Variants in SHE observed in about 807,000 individuals in gnomAD.
The protein encoded by SHE is Src homology 2 domain containing E.
SHE carries 11 observed loss-of-function variants against 49.8 expected under a neutral mutation model. That is an observed-to-expected ratio of 0.22 (90% CI 0.14 to 0.37). The LOEUF (loss-of-function observed/expected upper bound fraction) is 0.37, where lower values mean the gene tolerates loss of function less well. Among genes scored for constraint, SHE ranks in the 10% least tolerant of loss-of-function variants. SHE has a pLI of 1.00. For synonymous variants in SHE, 310 were observed against 278.1 expected, an observed-to-expected ratio of 1.11 and a Z score of -1.14; for missense variants, 624 against 655.5, an observed-to-expected ratio of 0.95 and a Z score of 0.52.
At chr1:154,478,428 CAAAAAA>C (rs10594379), downstream of SHE, among the ~76,000 whole-genome samples, 5 of 113,418 alleles carry the variant, frequency 4.4e-5, no homozygotes, top group Admixed American at 9.4e-5. Context: ...ATAAAAAGTG[CAAAAAA>C]AAAAAAAAAA....
At position 154,501,422 on chromosome 1, in the gene SHE, G is replaced by A; in HGVS notation, c.591+14C>T. The stretch of plus-strand genomic sequence containing the variant: ...TTCGACTGAGAGGTGGTCCAAGGGA[G>A]GCTGTATTCTTACCGTCTCTTGCTG... On this transcript the variant is annotated intron_variant, in intron 1 of 5. Coordinates refer to ENST00000304760, the MANE Select transcript of SHE (RefSeq NM_001010846.3). 1 of 1,612,764 alleles carries A rather than the reference G, an allele frequency of 6.2e-7. No individual in the cohort carries two copies. The highest frequency in any genetic ancestry group is 8.5e-7 in the Non-Finnish European group (1 of 1,179,052).
Position 154,501,757 on chromosome 1 carries a change from C to G in SHE, c.270G>C (p.Gly90=). 3.8e-6 allele frequency: 6 copies of G among 1,570,216 alleles called. No homozygotes were observed. The highest frequency in any genetic ancestry group is 5.2e-6 in the Non-Finnish European group (6 of 1,163,420). The change falls in exon 1 of 6, where the codon GGG becomes GGC. Residue 90 remains glycine, a synonymous_variant. Transcript: ENST00000304760. The stretch of plus-strand genomic sequence containing the variant: ...TGGGGCCGACGCCGGCCCTGCCGCT[C>G]CCCAGCTCGGCCGCCGAGTTCTTGC... ...KGRKNSAAEL[G]SGRAGVGPKD... is the part of the protein sequence containing the mutation.
intron 1 of SHE, among the ~76,000 whole-genome samples, chr1:154,470,685 C>G (rs1054032513): frequency 2.6e-5 from 4 of 152,036 alleles, no homozygotes; most frequent in Non-Finnish European, 5.9e-5. Flanking sequence ...ACTAAAAATA[C>G]AAAAATTAGC....
intron 2 of SHE, among the ~76,000 whole-genome samples, chr1:154,494,677 C>T (rs556327013): frequency 6.6e-6 from 1 of 152,186 alleles, no homozygotes; most frequent in South Asian, 2.1e-4. Context: ...CCACAGCTTG[C>T]TGAATGACAT....
rs1172213734 is a variant in SHE, at chr1:154,497,802, T to C, written c.718+1310A>G. Among the ~76,000 whole-genome samples, 8 of 152,090 alleles carry C rather than the reference T, an allele frequency of 5.3e-5. No homozygotes were observed. In the East Asian group the frequency reaches 1.4e-3, roughly 26 times the overall value. ...TTCAAGTGATTCTCCTGCCTCAGCCTCCTGAGCATCTGGAATTACAGGCAT... is the reference window on the plus strand; with the variant it reads ...TTCAAGTGATTCTCCTGCCTCAGCCCCCTGAGCATCTGGAATTACAGGCAT... On this transcript the variant is annotated intron_variant, in intron 2 of 5. Coordinates refer to ENST00000304760, the MANE Select transcript of SHE (RefSeq NM_001010846.3).
rs1272805587 is a variant in SHE, at chr1:154,501,508, G to T, written c.519C>A (p.Ser173=). Residue 173 remains serine, a synonymous_variant, in exon 1 of 6, where the codon TCC becomes TCA. Transcript: ENST00000304760. ...SSSSSSSSSS[S]SASSSPSSLG... is the part of the protein sequence containing the mutation. ...GGGAGGAAGGGGAAGAGGACGCGGA[G>T]GAAGAGGAGCTGGAGCTGGAGCTAC... 16 of 1,614,198 alleles carry T rather than the reference G, an allele frequency of 9.9e-6. No individual in the cohort carries two copies. Among genetic ancestry groups the T allele is most frequent in the Non-Finnish European group, 1.3e-5 (15 of 1,180,020 alleles).
At chr1:154,470,396 G>T (rs999388852) in intron 1 of SHE, 8 of 1,288,980 alleles carry the variant, frequency 6.2e-6, no homozygotes, top group Non-Finnish European at 5.1e-6. Context: ...GCAGTTACTG[G>T]AGCAGCCTTC....
chr1:154,487,562 T>C (rs1210490176), intron 3 of SHE, among the ~76,000 whole-genome samples: 3 of 151,574 alleles, frequency 2.0e-5, no homozygotes, highest in Non-Finnish European at 2.9e-5. Context: ...CAAACGAAAC[T>C]GACTCCAGGC....
Position 154,480,205 on chromosome 1 carries a change from G to T in SHE, c.*3944C>A. On this transcript the variant is annotated 3_prime_UTR_variant, in exon 6 of 6. Transcript: ENST00000304760. ...TAGTGCTAGTTATGGAAAAATAGGA[G>T]ACAACTAGTGAACGAGAGATCTGTG... is the stretch of plus-strand genomic sequence containing the variant. 1 of 985,402 alleles carries T rather than the reference G, an allele frequency of 1.0e-6. No individual in the cohort carries two copies. The highest frequency in any genetic ancestry group is 1.2e-6 in the Non-Finnish European group (1 of 829,930). The allele number at this position is 985,402 out of a possible 1,614,324, so 61.0% of individuals were successfully genotyped here. A position where few individuals can be genotyped will look rare whatever the true frequency, so the allele number is the denominator to read the frequency against.
At chr1:154,495,113 C>T (rs948443209) in intron 2 of SHE, among the ~76,000 whole-genome samples, 5 of 152,192 alleles carry the variant, frequency 3.3e-5, no homozygotes, top group African/African-American at 1.2e-4. Flanking sequence ...GGTAATTTGG[C>T]CAGGCTGGTA....
intron 4 of SHE, 33 bp from the exon 5 acceptor site, chr1:154,486,095 C>T (rs1692167425): frequency 1.9e-6 from 3 of 1,601,092 alleles, no homozygotes; most frequent in Non-Finnish European, 2.6e-6. Context: ...GGGAAAGCAC[C>T]ATGAGTGTCA....
intron 1 of SHE, among the ~76,000 whole-genome samples, chr1:154,470,941 C>T (rs1332236525): frequency 2.6e-5 from 4 of 151,006 alleles, no homozygotes; most frequent in South Asian, 4.2e-4. Context: ...ACCCGGGAGG[C>T]GGAGGTTTCA....
rs115870735 is a variant in SHE, at chr1:154,500,333, T to C, written c.592-1095A>G. 7.2e-3 allele frequency among the ~76,000 whole-genome samples: 1,095 copies of C among 152,326 alleles called. 9 individuals carry two copies. Among genetic ancestry groups the C allele is most frequent in the Non-Finnish European group, 0.013 (874 of 68,022 alleles). ...GTCAGGTGGACCACTGAATAACATATGAGCTGGGTCCCCGTCCATCTTTAC... is the reference window on the plus strand; with the variant it reads ...GTCAGGTGGACCACTGAATAACATACGAGCTGGGTCCCCGTCCATCTTTAC... On this transcript the variant is annotated intron_variant, in intron 1 of 5. Transcript: ENST00000304760.
At chr1:154,496,216 T>G (rs988312431) in intron 2 of SHE, among the ~76,000 whole-genome samples, 3 of 152,230 alleles carry the variant, frequency 2.0e-5, no homozygotes, top group Non-Finnish European at 4.4e-5. Context: ...TGAAGAAACT[T>G]TAAAATCCAC....
chr1:154,497,682 C>CT (rs1229573275), intron 2 of SHE, among the ~76,000 whole-genome samples: 19 of 151,526 alleles, frequency 1.3e-4, no homozygotes, highest in African/African-American at 4.6e-4. Flanking sequence ...ATTTTTTTTT[C>CT]TTTTCTTTTT....
At chr1:154,471,239 G>C (rs2149285492) in intron 1 of SHE, among the ~76,000 whole-genome samples, 1 of 152,154 alleles carries the variant, frequency 6.6e-6, no homozygotes, top group Admixed American at 6.5e-5. Flanking sequence ...AACAAAACAG[G>C]CCAGGCGCAG....
rs1463336156 is a variant in SHE, at chr1:154,483,004, T to C, written c.*1145A>G. 1 of 984,666 alleles carries C rather than the reference T, an allele frequency of 1.0e-6. No homozygotes were observed. The highest frequency in any genetic ancestry group is 6.1e-5 in the Admixed American group (1 of 16,262). The allele number at this position is 984,666 out of a possible 1,614,324, so 61.0% of individuals were successfully genotyped here. ...CCCAATGATGATGAAACAAAAGACA[T>C]CGAAGTTCTATGTAATTAATTCAGT... On this transcript the variant is annotated 3_prime_UTR_variant, in exon 6 of 6. Transcript: ENST00000304760.
At position 154,489,331 on chromosome 1, in the gene SHE, A is replaced by C. The variant is rs1180081603; in HGVS notation, c.744T>G (p.Asp248Glu). Residue 248 changes from aspartate (D) to glutamate (E), a missense_variant, in exon 3 of 6, where the codon GAT (aspartate) becomes GAG (glutamate). By Grantham distance (45) the Asp-to-Glu change is conservative (BLOSUM62 2). Coordinates refer to ENST00000304760, the MANE Select transcript of SHE (RefSeq NM_001010846.3). ...ITEIRRRGSK[D>E]PLVKALQLLD... is the part of the protein sequence containing the mutation. Reference sequence around the variant, plus strand: ...GCAGCTGGAGAGCCTTCACCAGGGGATCTTTGGAACCCCGTCGTCTAATTT... The same window carrying C: ...GCAGCTGGAGAGCCTTCACCAGGGGCTCTTTGGAACCCCGTCGTCTAATTT... 6.2e-7 allele frequency: 1 copy of C among 1,613,640 alleles called. No individual in the cohort carries two copies. Among genetic ancestry groups the C allele is most frequent in the Admixed American group, 1.7e-5 (1 of 59,894 alleles).
In SHE at chr1:154,501,848, C is replaced by T. The variant is rs951665948; in HGVS notation, c.179G>A (p.Gly60Asp). ...KTVSERAKPG[G>D]GGGKLRKNSE... ...GTTCTTGCGCAATTTGCCGCCGCCG[C>T]CCCCGGGCTTGGCCCGCTCCGACAC... Residue 60 changes from glycine (G) to aspartate (D), a missense_variant, in exon 1 of 6, where the codon GGC (glycine) becomes GAC (aspartate). Around this residue, in one of 4 missense-constraint regions of SHE, gnomAD observed 337 missense variants for 306.0 expected, o/e 1.10. Coordinates refer to ENST00000304760, the MANE Select transcript of SHE (RefSeq NM_001010846.3). 8.4e-6 allele frequency: 13 copies of T among 1,539,982 alleles called. No individual in the cohort carries two copies. Among genetic ancestry groups the T allele is most frequent in the East Asian group, 4.9e-5 (2 of 40,794 alleles).
Sources: gnomAD v4.1 joint callset for allele counts (sites outside exome capture counted in the v4.1 genomes callset) on GRCh38, gnomAD v4.1.1 for gene constraint, gnomAD v4.1.1 regional missense constraint, MANE v1.5 for transcripts, NCBI Gene and HGNC (gene_info 2026-07-23, HGNC 2026-07-21) for gene names.